The following CDK5RAP2 variants were observed in gnomAD, a reference collection of about 807,000 sequenced individuals.
CDK5RAP2 encodes CDK5 regulatory subunit associated protein 2.
Under a neutral mutation model 232.9 loss-of-function variants are expected in CDK5RAP2, and 147 were observed. That is an observed-to-expected ratio of 0.63 (90% CI 0.55 to 0.72). The LOEUF (loss-of-function observed/expected upper bound fraction) is 0.72. Among genes scored for constraint, CDK5RAP2 ranks in the 30% least tolerant of loss-of-function variants. The probability of loss-of-function intolerance (pLI) is 0.00; values close to 1 mark genes in which losing one functional copy is unlikely to be tolerated. For missense variants in CDK5RAP2, 2,195 were observed against 2,231.5 expected, an observed-to-expected ratio of 0.98 and a Z score of 0.33; for synonymous variants, 833 against 833.7, an observed-to-expected ratio of 1.00 and a Z score of 0.01.
intron 12 of CDK5RAP2, among the ~76,000 whole-genome samples, chr9:120,518,210 T>TGTGTGTGTGTGTGAGACA (rs1554770753): frequency 4.6e-5 from 2 of 43,934 alleles, no homozygotes; most frequent in Non-Finnish European, 4.9e-5. Flanking sequence ...TGTGTGTGTG[T>TGTGTGTGTGTGTGAGACA]GAGAGAGAGA....
At chr9:120,434,230 G>A (rs2035444847) in intron 25 of CDK5RAP2, among the ~76,000 whole-genome samples, 1 of 152,164 alleles carries the variant, frequency 6.6e-6, no homozygotes, top group South Asian at 2.1e-4. Context: ...AAGGCCTGAA[G>A]GGATCAGGGA....
chr9:120,393,955 G>A (rs1302563967), intron 36 of CDK5RAP2, among the ~76,000 whole-genome samples: 1 of 152,132 alleles, frequency 6.6e-6, no homozygotes, highest in Non-Finnish European at 1.5e-5. Flanking sequence ...CCTCTGCCCT[G>A]AGCCTGCCAC....
chr9:120,485,250 C>T (rs943285274), intron 14 of CDK5RAP2, among the ~76,000 whole-genome samples: 18 of 151,808 alleles, frequency 1.2e-4, no homozygotes, highest in African/African-American at 4.4e-4. Context: ...AAATACCCAA[C>T]CTGTCCAATA....
intron 3 of CDK5RAP2, among the ~76,000 whole-genome samples, chr9:120,555,488 G>A (rs2042195482): frequency 6.6e-6 from 1 of 151,982 alleles, no homozygotes; most frequent in South Asian, 2.1e-4. Context: ...TTAAATGAGA[G>A]GACTGGGCCT....
rs1225151004 is a variant in CDK5RAP2 at position 120,394,537 on chromosome 9, G to A, written c.5553C>T (p.Arg1851=). Residue 1851 remains arginine (R), a synonymous_variant, in exon 36 of 38, where the codon CGC becomes CGT. Coordinates refer to ENST00000349780, the MANE Select transcript of CDK5RAP2 (RefSeq NM_018249.6). The part of the protein sequence containing the change: ...NTMKLLQLSK[R]QEKVIFDQLV... Reference sequence around the variant, plus strand: ...ATTGATCAAAGATGACTTTTTCCTGGCGCTTGCTCAGCTGCAAAAGCTTCA... The same window carrying A: ...ATTGATCAAAGATGACTTTTTCCTGACGCTTGCTCAGCTGCAAAAGCTTCA... 4 of 1,614,006 alleles carry A rather than the reference G, an allele frequency of 2.5e-6. No homozygotes were observed. The Admixed American group carries it at 5.0e-5, about 20-fold the overall frequency.
At chr9:120,565,092 G>T (rs79171095) in intron 3 of CDK5RAP2, among the ~76,000 whole-genome samples, 2 of 152,194 alleles carry the variant, frequency 1.3e-5, no homozygotes, top group Non-Finnish European at 2.9e-5. Flanking sequence ...GTTTTCACAT[G>T]CCAGAGTGAG....
At chr9:120,442,762 A>C (rs1042263708) in intron 23 of CDK5RAP2, among the ~76,000 whole-genome samples, 4 of 152,230 alleles carry the variant, frequency 2.6e-5, no homozygotes, top group African/African-American at 9.6e-5. Context: ...CAAAGCCCAG[A>C]ACACGCAGAA....
At chr9:120,438,948 G>T (rs539684156) in intron 24 of CDK5RAP2, among the ~76,000 whole-genome samples, 6 of 152,208 alleles carry the variant, frequency 3.9e-5, no homozygotes, top group African/African-American at 1.4e-4. Flanking sequence ...TCTCTAAGAT[G>T]ACCTTAAAGG....
At chr9:120,492,025 C>T (rs767512663) in intron 12 of CDK5RAP2, among the ~76,000 whole-genome samples, 14 of 151,734 alleles carry the variant, frequency 9.2e-5, no homozygotes, top group Non-Finnish European at 1.8e-4. Context: ...AAAAAACTGT[C>T]TTAATACCAT....
At position 120,402,993 on chromosome 9, in the gene CDK5RAP2, G is replaced by T; in HGVS notation, c.5120C>A (p.Pro1707Gln). ...GCCAGTGACCAGGCGGGACACACAC[G>T]GAGTGCTAGTTGCCGAACTGCCACT... ...CDSGSSATST[P>Q]CVSRLVTGHH... The change falls in exon 34 of 38, where the codon CCG (proline) becomes CAG (glutamine). Residue 1707 changes from proline to glutamine, a missense_variant. By Grantham distance (76) the Pro-to-Gln change is moderately conservative. Coordinates refer to ENST00000349780, the MANE Select transcript of CDK5RAP2 (RefSeq NM_018249.6). 1 of 1,614,172 alleles carries T rather than the reference G, an allele frequency of 6.2e-7. No individual in the cohort carries two copies. The highest frequency in any genetic ancestry group is 1.1e-5 in the South Asian group (1 of 91,076).
intron 26 of CDK5RAP2, among the ~76,000 whole-genome samples, chr9:120,421,481 C>A (rs1280268791): frequency 6.6e-6 from 1 of 152,130 alleles, no homozygotes; most frequent in African/African-American, 2.4e-5. Flanking sequence ...ACCTCTCTGC[C>A]CACTCGCTCT....
At position 120,574,417 on chromosome 9, in the gene CDK5RAP2, T is replaced by C. The variant is rs183296743; in HGVS notation, c.60-2376A>G. ...TAAGCAAAACAAAAGGGCTCAGATATGATCTTATTCCACAGATGAGAAGAC... is the reference window on the plus strand; with the variant it reads ...TAAGCAAAACAAAAGGGCTCAGATACGATCTTATTCCACAGATGAGAAGAC... On this transcript the variant is annotated intron_variant, in intron 1 of 37. Coordinates refer to ENST00000349780, the MANE Select transcript of CDK5RAP2 (RefSeq NM_018249.6). Among the ~76,000 whole-genome samples the C allele has an allele frequency of 1.5e-3, 229 of 152,338 alleles. 1 individual carries two copies. Among genetic ancestry groups the C allele is most frequent in the African/African-American group, 5.2e-3 (216 of 41,582 alleles).
chr9:120,439,876 A>G lies in CDK5RAP2; in HGVS notation c.3245T>C (p.Leu1082Pro), dbSNP rs183054114. The change falls in exon 24 of 38, where the codon CTG (leucine) becomes CCG (proline). Residue 1082 changes from leucine (L) to proline (P), a missense_variant. Transcript: ENST00000349780. ...VLSPTSVATY[L>P]SSKSQPSAKV... The stretch of plus-strand genomic sequence containing the variant: ...AGCAGAAGGCTGACTCTTGGAACTC[A>G]GGTAAGTAGCTACTGAAGTTGGGCT... The G allele has an allele frequency of 2.5e-6, 4 of 1,614,088 alleles. No individual in the cohort carries two copies. The highest frequency in any genetic ancestry group is 3.4e-6 in the Non-Finnish European group (4 of 1,180,016).
intron 11 of CDK5RAP2, among the ~76,000 whole-genome samples, chr9:120,522,366 G>A (rs921730758): frequency 7.2e-5 from 11 of 152,176 alleles, no homozygotes; most frequent in African/African-American, 2.7e-4. Context: ...GACTTGGTAG[G>A]TCTACATATA....
At chr9:120,477,125 G>A (rs1302543602) in intron 15 of CDK5RAP2, among the ~76,000 whole-genome samples, 2 of 152,194 alleles carry the variant, frequency 1.3e-5, no homozygotes, top group Non-Finnish European at 2.9e-5. Flanking sequence ...TAAAACCTGA[G>A]TAATCAATTT....
chr9:120,546,228 A>T (rs1285712444), intron 4 of CDK5RAP2, among the ~76,000 whole-genome samples: 4 of 151,674 alleles, frequency 2.6e-5, no homozygotes, highest in African/African-American at 9.7e-5. Context: ...GTTACAGCTT[A>T]AAAAAAAATA....
At chr9:120,480,470 C>A (rs974154838) in intron 14 of CDK5RAP2, among the ~76,000 whole-genome samples, 2 of 152,182 alleles carry the variant, frequency 1.3e-5, no homozygotes, top group Non-Finnish European at 2.9e-5. Flanking sequence ...GCAGATATCT[C>A]AAAATATTCA....
chr9:120,537,837 T>C (rs1430078601), intron 6 of CDK5RAP2, among the ~76,000 whole-genome samples: 2 of 152,216 alleles, frequency 1.3e-5, no homozygotes, highest in Admixed American at 1.3e-4. Context: ...AAATTGTTAA[T>C]ACCACAGTTA....
At chr9:120,397,202 A>G (rs1434852119) in intron 35 of CDK5RAP2, among the ~76,000 whole-genome samples, 1 of 152,192 alleles carries the variant, frequency 6.6e-6, no homozygotes, top group East Asian at 1.9e-4. Context: ...GGTGAAAAAA[A>G]TCTCAAACAT....
Sources: gnomAD v4.1 joint callset for allele counts (sites outside exome capture counted in the v4.1 genomes callset) on GRCh38, gnomAD v4.1.1 for gene constraint, MANE v1.5 for transcripts, NCBI Gene and HGNC (gene_info 2026-07-23, HGNC 2026-07-21) for gene names.